The following CMIP variants were observed in gnomAD, a reference collection of about 807,000 sequenced individuals.
The protein encoded by CMIP is C-Maf-inducing protein.
A neutral mutation model predicts 97.3 loss-of-function variants in CMIP; 13 were observed. The observed-to-expected ratio is 0.13, with a 90% confidence interval of 0.09 to 0.21. The LOEUF (loss-of-function observed/expected upper bound fraction) is 0.21, where lower values mean the gene tolerates loss of function less well. Ranked by LOEUF, CMIP falls within the 10% of genes least tolerant of loss-of-function variation. The pLI, the probability that CMIP is intolerant of heterozygous loss-of-function variation, is 1.00. For synonymous variants in CMIP, 538 were observed against 436.3 expected (o/e 1.23, Z -2.91); for missense variants, 847 against 1,024.9 (o/e 0.83, Z 2.37).
chr16:81,555,726 A>G (rs1454335818), intron 1 of CMIP, among the ~76,000 whole-genome samples: 2 of 152,162 alleles, frequency 1.3e-5, no homozygotes, highest in East Asian at 3.9e-4. Flanking sequence ...CAGGAAGGAG[A>G]AACGTCCCCA....
At chr16:81,494,273 G>A (rs928047841) in intron 1 of CMIP, among the ~76,000 whole-genome samples, 1 of 152,206 alleles carries the variant, frequency 6.6e-6, no homozygotes, top group African/African-American at 2.4e-5. Flanking sequence ...TGCCAGCCCA[G>A]TGCTGGAGGG....
At chr16:81,540,542 CCT>C (rs1229014640) in intron 1 of CMIP, among the ~76,000 whole-genome samples, 1 of 152,112 alleles carries the variant, frequency 6.6e-6, no homozygotes, top group Non-Finnish European at 1.5e-5. Context: ...CTCAAGTGAT[CCT>C]CTCCTGCCTC....
intron 1 of CMIP, among the ~76,000 whole-genome samples, chr16:81,599,868 C>A (rs1251125148): frequency 5.9e-5 from 9 of 152,208 alleles, no homozygotes; most frequent in Non-Finnish European, 1.0e-4. Context: ...TAGCATGGTG[C>A]TGGCCACATG....
intron 6 of CMIP, among the ~76,000 whole-genome samples, chr16:81,662,589 C>T (rs1422002927): frequency 6.6e-6 from 1 of 152,194 alleles, no homozygotes; most frequent in African/African-American, 2.4e-5. Context: ...TGCGTCCGCT[C>T]TGCCAAACTC....
At chr16:81,667,671 G>A (rs2092618493) in intron 7 of CMIP, among the ~76,000 whole-genome samples, 2 of 151,392 alleles carry the variant, frequency 1.3e-5, no homozygotes, top group African/African-American at 2.4e-5. Flanking sequence ...GGTCAGTGAG[G>A]CCCAGAGACA....
chr16:81,457,912 C>A (rs1021710966), intron 1 of CMIP, among the ~76,000 whole-genome samples: 4 of 152,236 alleles, frequency 2.6e-5, no homozygotes, highest in Non-Finnish European at 5.9e-5. Context: ...TGGGCGTTGG[C>A]AAGCTCCCCC....
chr16:81,595,433 G>C (rs903986584), intron 1 of CMIP, among the ~76,000 whole-genome samples: 4 of 148,544 alleles, frequency 2.7e-5, no homozygotes, highest in African/African-American at 1.0e-4. Context: ...CTGTTGCCCA[G>C]GCTGTAGTGC....
At chr16:81,639,217 C>T (rs1242668170) in intron 3 of CMIP, among the ~76,000 whole-genome samples, 4 of 152,208 alleles carry the variant, frequency 2.6e-5, no homozygotes, top group Non-Finnish European at 4.4e-5. Flanking sequence ...CCTGTTAACC[C>T]CGGCTGCACC....
intron 1 of CMIP, among the ~76,000 whole-genome samples, chr16:81,509,293 T>G (rs1271211150): frequency 1.3e-5 from 2 of 152,178 alleles, no homozygotes; most frequent in Admixed American, 1.3e-4. Flanking sequence ...ACCACCCAGC[T>G]GGAGAGCCCA....
chr16:81,688,927 G>C (rs34895689), intron 10 of CMIP, among the ~76,000 whole-genome samples: 1 of 151,970 alleles, frequency 6.6e-6, no homozygotes, highest in Non-Finnish European at 1.5e-5. Flanking sequence ...CTGTCCTTGC[G>C]ATAGTTTGCT....
chr16:81,650,524 G>A (rs1158900400), intron 3 of CMIP, among the ~76,000 whole-genome samples: 1 of 152,070 alleles, frequency 6.6e-6, no homozygotes, highest in East Asian at 1.9e-4. Flanking sequence ...TGAGTTCATG[G>A]GGGCGACACC....
intron 13 of CMIP, among the ~76,000 whole-genome samples, chr16:81,694,602 T>G (rs1303656637): frequency 6.6e-6 from 1 of 152,218 alleles, no homozygotes; most frequent in Non-Finnish European, 1.5e-5. Flanking sequence ...TCTAGAGTAC[T>G]TGTTCTCAAA....
At chr16:81,477,678 C>A (rs562426379) in intron 1 of CMIP, among the ~76,000 whole-genome samples, 1 of 152,212 alleles carries the variant, frequency 6.6e-6, no homozygotes, top group Non-Finnish European at 1.5e-5. Flanking sequence ...TGTTTTCTCT[C>A]GTATAAAGGA....
chr16:81,589,095 G>C (rs566336884), intron 1 of CMIP, among the ~76,000 whole-genome samples: 2 of 149,350 alleles, frequency 1.3e-5, no homozygotes, highest in Non-Finnish European at 3.0e-5. Flanking sequence ...TTCTTTCTTT[G>C]TTTTTCTTTT....
chr16:81,561,849 A>G (rs186999414), intron 1 of CMIP, among the ~76,000 whole-genome samples: 2 of 152,360 alleles, frequency 1.3e-5, no homozygotes, highest in East Asian at 1.9e-4. Flanking sequence ...GATGCTCAGT[A>G]GCCAGCCCAG....
At chr16:81,501,327 C>T (rs2089607621) in intron 1 of CMIP, among the ~76,000 whole-genome samples, 1 of 152,258 alleles carries the variant, frequency 6.6e-6, no homozygotes, top group East Asian at 1.9e-4. Context: ...GGACTGGTGC[C>T]TCCTGCTTTG....
intron 1 of CMIP, among the ~76,000 whole-genome samples, chr16:81,565,348 C>G (rs1381921920): frequency 6.6e-6 from 1 of 152,202 alleles, no homozygotes; most frequent in African/African-American, 2.4e-5. Context: ...TCCCAGCAGC[C>G]CAACTCCAGG....
In CMIP at chr16:81,445,241, C is replaced by G. The variant is rs1286505774; in HGVS notation, c.-1C>G. On this transcript the variant is annotated 5_prime_UTR_variant, in exon 1 of 21. Transcript: ENST00000537098. ...CCCCAGCCCCCTCCCCCGGCGCGGC[C>G]ATGGATGTGACCAGCAGCTCGGGCG... is the stretch of plus-strand genomic sequence containing the variant. 1 of 1,527,348 alleles carries G rather than the reference C, an allele frequency of 6.5e-7. No homozygotes were observed. The highest frequency in any genetic ancestry group is 8.8e-7 in the Non-Finnish European group (1 of 1,141,402). 94.6% of individuals were successfully genotyped at this position (1,527,348 alleles called of 1,614,324 possible). A position where few individuals can be genotyped will look rare whatever the true frequency, so the allele number is the denominator to read the frequency against.
At chr16:81,479,880 G>T (rs1908154573) in intron 1 of CMIP, among the ~76,000 whole-genome samples, 1 of 152,178 alleles carries the variant, frequency 6.6e-6, no homozygotes, top group Admixed American at 6.5e-5. Flanking sequence ...AATGTATGCT[G>T]AATGAATGAA....
Sources: allele counts gnomAD v4.1 joint callset (sites outside exome capture counted in the v4.1 genomes callset), GRCh38; gene constraint gnomAD v4.1.1; transcripts MANE v1.5; gene names NCBI Gene and HGNC (gene_info 2026-07-23, HGNC 2026-07-21).